Variants in SYCP1 observed in about 807,000 individuals in gnomAD.
SYCP1 encodes cancer/testis antigen 8.
A neutral mutation model predicts 153.1 loss-of-function variants in SYCP1; 64 were observed. The observed-to-expected ratio is 0.42, with a 90% CI of 0.34 to 0.51. The LOEUF (loss-of-function observed/expected upper bound fraction) is 0.51. Ranked by LOEUF, SYCP1 falls within the 20% of genes least tolerant of loss-of-function variation. SYCP1 has a pLI of 0.06. For missense variants in SYCP1, 997 were observed against 1,049.0 expected, an observed-to-expected ratio of 0.95 and a Z score of 0.68; for synonymous variants, 384 against 341.8, an observed-to-expected ratio of 1.12 and a Z score of -1.36.
At chr1:114,871,356 C>T (rs1429082340) in intron 8 of SYCP1, among the ~76,000 whole-genome samples, 4 of 151,628 alleles carry the variant, frequency 2.6e-5, no homozygotes, top group Non-Finnish European at 5.9e-5. Flanking sequence ...TCAGTAGTGA[C>T]GGGGTTTTGT....
chr1:114,949,983 A>C (rs1052410717), intron 27 of SYCP1, among the ~76,000 whole-genome samples: 1 of 152,218 alleles, frequency 6.6e-6, no homozygotes, highest in Non-Finnish European at 1.5e-5. Context: ...ATGCCTGTAC[A>C]TAGATAGATA....
chr1:114,965,849 T>G (rs1570880439), intron 27 of SYCP1, among the ~76,000 whole-genome samples: 1 of 152,228 alleles, frequency 6.6e-6, no homozygotes, highest in Non-Finnish European at 1.5e-5. Flanking sequence ...ATAAGGATGA[T>G]GCTGGCCTCA....
intron 8 of SYCP1, 128 bp from the exon 9 acceptor site, chr1:114,874,378 A>T: frequency 1.8e-6 from 1 of 563,292 alleles, no homozygotes; most frequent in South Asian, 2.6e-5. Context: ...GTAATGATTT[A>T]GATAACCCAA....
chr1:114,991,837 C>A (rs904722667), intron 30 of SYCP1, among the ~76,000 whole-genome samples: 1 of 151,688 alleles, frequency 6.6e-6, no homozygotes, highest in Admixed American at 6.6e-5. Flanking sequence ...AGAAGGCATT[C>A]AGATGGAAAG....
At chr1:114,872,405 T>C (rs1665210805) in intron 8 of SYCP1, among the ~76,000 whole-genome samples, 1 of 152,042 alleles carries the variant, frequency 6.6e-6, no homozygotes, top group Non-Finnish European at 1.5e-5. Context: ...TGAGGAGGAG[T>C]CAGATAGAAT....
intron 8 of SYCP1, among the ~76,000 whole-genome samples, chr1:114,873,877 A>G (rs980218149): frequency 4.6e-5 from 7 of 152,108 alleles, no homozygotes; most frequent in Non-Finnish European, 1.0e-4. Flanking sequence ...GATTATAGGC[A>G]TGTGGTACTA....
intron 23 of SYCP1, among the ~76,000 whole-genome samples, chr1:114,935,668 C>G (rs1017855704): frequency 3.3e-5 from 5 of 151,834 alleles, no homozygotes; most frequent in African/African-American, 7.3e-5. Flanking sequence ...AAGACTAATA[C>G]AGAAGAAAAG....
chr1:114,881,145 T>C (rs1665897969), intron 12 of SYCP1, among the ~76,000 whole-genome samples: 1 of 152,080 alleles, frequency 6.6e-6, no homozygotes, highest in African/African-American at 2.4e-5. Flanking sequence ...TCCATATTGC[T>C]ATTGTGAATA....
chr1:114,916,617 T>C (rs1668524843), intron 20 of SYCP1, among the ~76,000 whole-genome samples: 2 of 151,518 alleles, frequency 1.3e-5, no homozygotes, highest in African/African-American at 4.8e-5. Context: ...TAAAATTGTC[T>C]GCTTATACCT....
intron 30 of SYCP1, among the ~76,000 whole-genome samples, chr1:114,989,826 G>C (rs756161843): frequency 1.3e-5 from 2 of 151,848 alleles, no homozygotes; most frequent in South Asian, 4.1e-4. Flanking sequence ...ACATGTCCAC[G>C]CCTAATAACA....
chr1:114,969,875 A>G (rs910442380), intron 27 of SYCP1, among the ~76,000 whole-genome samples: 1 of 152,062 alleles, frequency 6.6e-6, no homozygotes, highest in Non-Finnish European at 1.5e-5. Flanking sequence ...ACAGTTCCTC[A>G]TGGCTTCCCT....
At chr1:114,987,423 T>A (rs1454198909) in intron 30 of SYCP1, among the ~76,000 whole-genome samples, 1 of 152,014 alleles carries the variant, frequency 6.6e-6, no homozygotes, top group African/African-American at 2.4e-5. Context: ...TTTCACCACT[T>A]TGGGAGGCCA....
intron 29 of SYCP1, among the ~76,000 whole-genome samples, chr1:114,982,182 A>G (rs370315987): frequency 1.3e-5 from 2 of 151,974 alleles, no homozygotes; most frequent in East Asian, 1.9e-4. Context: ...TTTGCTGCCT[A>G]CATTCATATC....
chr1:114,860,908 G>A, intron 8 of SYCP1, 99 bp downstream of exon 8: 1 of 809,550 alleles, frequency 1.2e-6, no homozygotes. Flanking sequence ...GAACCAATTT[G>A]ATTTGAACAA....
At chr1:114,951,347 GA>G (rs1168730443) in intron 27 of SYCP1, among the ~76,000 whole-genome samples, 7 of 151,682 alleles carry the variant, frequency 4.6e-5, no homozygotes, top group Non-Finnish European at 1.0e-4. Context: ...GAATACCTTT[GA>G]AAAAAATGCC....
intron 20 of SYCP1, 88 bp from the exon 21 acceptor site, chr1:114,923,361 C>A: frequency 7.3e-7 from 1 of 1,372,726 alleles, no homozygotes; most frequent in Non-Finnish European, 9.7e-7. Context: ...AGAATGTGGT[C>A]TTTAAGACTT....
At chr1:114,893,912 G>GGT (rs1666893379) in intron 15 of SYCP1, among the ~76,000 whole-genome samples, 1 of 151,178 alleles carries the variant, frequency 6.6e-6, no homozygotes, top group Admixed American at 6.6e-5. Context: ...TGTGGTGAGA[G>GGT]GTATGGTCAC....
In SYCP1 at chr1:114,910,318, A is replaced by G. The variant is rs147867954; in HGVS notation, c.1321-79A>G. ...CAGGGGGAAGCTCATAGTTCTTTCC[A>G]CAGCTCCATTTGGGCAGTTTGATTA... On this transcript the variant is annotated intron_variant, in intron 16 of 31. Coordinates refer to ENST00000369522, the MANE Select transcript of SYCP1 (RefSeq NM_003176.4). The G allele has an allele frequency of 1.4e-3, 1,366 of 952,230 alleles. 13 individuals carry two copies. In the African/African-American group the frequency reaches 0.02, roughly 14 times the overall value. The allele number at this position is 952,230 out of a possible 1,614,324, so 59.0% of individuals were successfully genotyped here.
At chr1:114,888,060 C>T (rs753651381) in intron 15 of SYCP1, among the ~76,000 whole-genome samples, 6 of 151,970 alleles carry the variant, frequency 3.9e-5, no homozygotes, top group Non-Finnish European at 7.4e-5. Context: ...AATTTCATTG[C>T]TTTGTCATGT....
Sources: allele counts gnomAD v4.1 joint callset (sites outside exome capture counted in the v4.1 genomes callset), GRCh38; gene constraint gnomAD v4.1.1; transcripts MANE v1.5; gene names NCBI Gene and HGNC (gene_info 2026-07-23, HGNC 2026-07-21).